Variants in IL11 observed in about 807,000 individuals in gnomAD.
IL11 encodes the protein interleukin-11.
A neutral mutation model predicts 18.1 loss-of-function variants in IL11; 17 were observed. The observed-to-expected ratio is 0.94, with a 90% CI of 0.64 to 1.41. The LOEUF (loss-of-function observed/expected upper bound fraction) is 1.41, where lower values mean the gene tolerates loss of function less well. Ranked by LOEUF, IL11 falls within the 40% of genes most tolerant of loss-of-function variation. IL11 has a pLI of 0.00. For synonymous variants in IL11, 144 were observed against 134.1 expected (o/e 1.07, Z -0.51); for missense variants, 309 against 262.8 (o/e 1.18, Z -1.22).
Position 55,369,360 on chromosome 19 carries a change from C to T in IL11, c.8-419G>A, listed in dbSNP as rs1055669260. On this transcript the variant is annotated intron_variant, in intron 1 of 4. Transcript: ENST00000264563. This position sits in a 1 kb window ranked among gnomAD's most constrained non-coding sequence, Gnocchi z 6.1. ...GGACGCCGGAATCTGGGCCCCGGGG[C>T]GGGGCATGGTGGGGGAGGCACAGGC... 10 of 155,344 alleles carry T rather than the reference C, an allele frequency of 6.4e-5. No homozygotes were observed. Among genetic ancestry groups the T allele is most frequent in the Non-Finnish European group, 2.8e-5 (2 of 70,384 alleles). 9.6% of individuals were successfully genotyped at this position (155,344 alleles called of 1,614,324 possible).
intron 2 of IL11, 61 bp from the exon 3 acceptor site, chr19:55,368,630 C>A: frequency 2.0e-6 from 3 of 1,519,178 alleles, no homozygotes; most frequent in East Asian, 2.4e-5. Flanking sequence ...CTCCATCCCC[C>A]ACGCCAGGCC....
In IL11 at chr19:55,369,873, C is replaced by T. The variant is rs184252613; in HGVS notation, c.7+431G>A. On this transcript the variant is annotated intron_variant, in intron 1 of 4. Coordinates refer to ENST00000264563, the MANE Select transcript of IL11 (RefSeq NM_000641.4). This position sits in a 1 kb window ranked among gnomAD's most constrained non-coding sequence, Gnocchi z 6.1. ...CTCCTCCCCCCGGCTGGGGTCGCTA[C>T]TCCCTGGCTTGCTCCGCTCTCCGCG... Among the ~76,000 whole-genome samples, 21 of 152,020 alleles carry T rather than the reference C, an allele frequency of 1.4e-4. No individual in the cohort carries two copies. In the East Asian group the frequency reaches 4.1e-3, roughly 30 times the overall value.
Position 55,369,834 on chromosome 19 carries a change from C to T in IL11, c.7+470G>A, listed in dbSNP as rs1322074688. 2.0e-5 allele frequency among the ~76,000 whole-genome samples: 3 copies of T among 151,986 alleles called. No individual in the cohort carries two copies. Among genetic ancestry groups the T allele is most frequent in the South Asian group, 2.1e-4 (1 of 4,828 alleles). On this transcript the variant is annotated intron_variant, in intron 1 of 4. Transcript: ENST00000264563. This position sits in a 1 kb window ranked among gnomAD's most constrained non-coding sequence, Gnocchi z 6.1. ...TGCCCGGCTCTCCCCGCTTTCCCCCCGCGCCCAGTCTCTCTCCTCCCCCCG... is the reference window on the plus strand; with the variant it reads ...TGCCCGGCTCTCCCCGCTTTCCCCCTGCGCCCAGTCTCTCTCCTCCCCCCG...
rs1382835830 is a variant in IL11 at position 55,366,250 on chromosome 19, C to T, written c.430-73G>A. On this transcript the variant is annotated intron_variant, in intron 4 of 4. Transcript: ENST00000264563. This position sits in a 1 kb window ranked among gnomAD's most constrained non-coding sequence, Gnocchi z 4.6. ...GGTGCAGGGCAGGGGTGCTGTGGAG[C>T]TGCAGCTGAATCGGGGCTGCATATT... is the stretch of plus-strand genomic sequence containing the variant. 26 of 1,412,376 alleles carry T rather than the reference C, an allele frequency of 1.8e-5. No individual in the cohort carries two copies. The highest frequency in any genetic ancestry group is 2.3e-5 in the Non-Finnish European group (25 of 1,078,860). The allele number at this position is 1,412,376 out of a possible 1,614,324, so 87.5% of individuals were successfully genotyped here. A position where few individuals can be genotyped will look rare whatever the true frequency, so the allele number is the denominator to read the frequency against.
rs2089804967 is a variant in IL11 at position 55,369,073 on chromosome 19, G to A, written c.8-132C>T. The A allele has an allele frequency of 1.3e-6, 1 of 754,496 alleles. No individual in the cohort carries two copies. Among genetic ancestry groups the A allele is most frequent in the Non-Finnish European group, 2.0e-6 (1 of 503,936 alleles). The allele number at this position is 754,496 out of a possible 1,614,324, so 46.7% of individuals were successfully genotyped here. A position where few individuals can be genotyped will look rare whatever the true frequency, so the allele number is the denominator to read the frequency against. ...TCCTCCTGGGTCTGAGGGAGGAGAG[G>A]CTGGGGGCCTGGACTCCTAGGTCTG... On this transcript the variant is annotated intron_variant, in intron 1 of 4. Coordinates refer to ENST00000264563, the MANE Select transcript of IL11 (RefSeq NM_000641.4). The surrounding 1 kb of genome is among the most constrained non-coding windows in gnomAD (Gnocchi z 6.1).
Position 55,366,180 on chromosome 19 carries a change from G to A in IL11, c.430-3C>T, listed in dbSNP as rs1166651596. 1 of 1,483,530 alleles carries A rather than the reference G, an allele frequency of 6.7e-7. No individual in the cohort carries two copies. Among genetic ancestry groups the A allele is most frequent in the Admixed American group, 2.5e-5 (1 of 39,218 alleles). The allele number at this position is 1,483,530 out of a possible 1,614,324, so 91.9% of individuals were successfully genotyped here. On this transcript the variant is annotated splice_region_variant and splice_polypyrimidine_tract_variant and intron_variant, in intron 4 of 4. Transcript: ENST00000264563. The surrounding 1 kb of genome is among the most constrained non-coding windows in gnomAD (Gnocchi z 4.6). ...TGGGGCAGGGCCAGGCGGGACATCT[G>A]TGGGGAGAGGAGAGAGGTGAGTCAC...
intron 4 of IL11, among the ~76,000 whole-genome samples, chr19:55,367,893 G>C (rs932492613): frequency 6.6e-6 from 1 of 152,068 alleles, no homozygotes; most frequent in Non-Finnish European, 1.5e-5. Flanking sequence ...TGAGGTCATG[G>C]ATGATGGAGT....
At position 55,366,004 on chromosome 19, in the gene IL11, G is replaced by T. The variant is rs115572810; in HGVS notation, c.*3C>A. On this transcript the variant is annotated 3_prime_UTR_variant, in exon 5 of 5. Coordinates refer to ENST00000264563, the MANE Select transcript of IL11 (RefSeq NM_000641.4). This position sits in a 1 kb window ranked among gnomAD's most constrained non-coding sequence, Gnocchi z 4.6. Reference sequence around the variant, plus strand: ...AAGGACGGTGGTGGCTTTGGGCCCCGGGTCACAGCCGAGTCTTCAGCAGCA... The same window carrying T: ...AAGGACGGTGGTGGCTTTGGGCCCCTGGTCACAGCCGAGTCTTCAGCAGCA... 1.3e-6 allele frequency: 2 copies of T among 1,597,922 alleles called. No individual in the cohort carries two copies. The highest frequency in any genetic ancestry group is 1.7e-6 in the Non-Finnish European group (2 of 1,173,604).
At position 55,370,414 on chromosome 19, in the gene IL11, G is replaced by C; in HGVS notation, c.-104C>G. The C allele has an allele frequency of 1.0e-6, 1 of 979,720 alleles. No individual in the cohort carries two copies. Among genetic ancestry groups the C allele is most frequent in the Non-Finnish European group, 1.4e-6 (1 of 712,568 alleles). 60.7% of individuals were successfully genotyped at this position (979,720 alleles called of 1,614,324 possible). ...GGGAGCCCCGAGGGTCAGCTGGGCCGCGGCCTGGGGAGGGGAGGCATGTGC... is the reference window on the plus strand; with the variant it reads ...GGGAGCCCCGAGGGTCAGCTGGGCCCCGGCCTGGGGAGGGGAGGCATGTGC... On this transcript the variant is annotated 5_prime_UTR_variant, in exon 1 of 5. Coordinates refer to ENST00000264563, the MANE Select transcript of IL11 (RefSeq NM_000641.4).
chr19:55,368,247 G>T lies in IL11; in HGVS notation c.392C>A (p.Ala131Asp), dbSNP rs1212233380. 6.5e-7 allele frequency: 1 copy of T among 1,546,596 alleles called. No homozygotes were observed. The highest frequency in any genetic ancestry group is 2.0e-5 in the Admixed American group (1 of 51,046). The change falls in exon 4 of 5, where the codon GCC (alanine) becomes GAC (aspartate). Residue 131 changes from alanine (A) to aspartate (D), a missense_variant. Ala to Asp is a moderately radical substitution (Grantham distance 126). Coordinates refer to ENST00000264563, the MANE Select transcript of IL11 (RefSeq NM_000641.4). The part of the protein sequence containing the change: ...TLEPELGTLQ[A>D]RLDRLLRRLQ... Reference sequence around the variant, plus strand: ...CCGGCGCAGCAGCCGGTCCAGTCGGGCCTGCAGGGTGCCCAGCTCGGGCTC... The same window carrying T: ...CCGGCGCAGCAGCCGGTCCAGTCGGTCCTGCAGGGTGCCCAGCTCGGGCTC...
chr19:55,365,854 G>T lies in IL11; in HGVS notation c.*153C>A. ...CCTGAAATAAATAAGTATAAATAAG[G>T]CACAGATGCCCCCCAGGCCTCACGG... is the stretch of plus-strand genomic sequence containing the variant. On this transcript the variant is annotated 3_prime_UTR_variant, in exon 5 of 5. Coordinates refer to ENST00000264563, the MANE Select transcript of IL11 (RefSeq NM_000641.4). The T allele has an allele frequency of 8.2e-7, 1 of 1,221,322 alleles. No homozygotes were observed. Among genetic ancestry groups the T allele is most frequent in the Non-Finnish European group, 1.1e-6 (1 of 882,924 alleles). 75.7% of individuals were successfully genotyped at this position (1,221,322 alleles called of 1,614,324 possible).
Position 55,368,825 on chromosome 19 carries a change from T to C in IL11, c.124A>G (p.Thr42Ala), listed in dbSNP as rs375031113. The C allele has an allele frequency of 1.9e-6, 3 of 1,592,584 alleles. No homozygotes were observed. The highest frequency in any genetic ancestry group is 2.7e-5 in the African/African-American group (2 of 74,786). The change falls in exon 2 of 5, where the codon ACC becomes GCC. Residue 42 changes from threonine to alanine, a missense_variant. By Grantham distance (58) the Thr-to-Ala change is moderately conservative (BLOSUM62 0). Transcript: ENST00000264563. ...SPDPRAELDS[T>A]VLLTRSLLAD... ...AGGAGAGAGCGGGTCAGGAGCACGG[T>C]GCTGTCCAGCTCGGCCCGAGGGTCT...
chr19:55,368,775 T>G lies in IL11; in HGVS notation c.174A>C (p.Ala58=). Residue 58 remains alanine, a synonymous_variant, in exon 2 of 5, where the codon GCA becomes GCC. Coordinates refer to ENST00000264563, the MANE Select transcript of IL11 (RefSeq NM_000641.4). ...SLLADTRQLA[A]QLRDKFPADG... ...CCAGCCCAGTCTCTCCTACCAGCTG[T>G]GCAGCCAGCTGCCGCGTGTCCGCCA... 1.3e-6 allele frequency: 2 copies of G among 1,580,950 alleles called. No homozygotes were observed. Among genetic ancestry groups the G allele is most frequent in the Non-Finnish European group, 1.7e-6 (2 of 1,163,952 alleles).
chr19:55,370,382 C>T lies in IL11; in HGVS notation c.-72G>A. On this transcript the variant is annotated 5_prime_UTR_variant, in exon 1 of 5. Transcript: ENST00000264563. ...GGGGCCTTTAACCCTTCCCTGTCCG[C>T]TGCCGGGGGAGCCCCGAGGGTCAGC... 1 of 1,311,944 alleles carries T rather than the reference C, an allele frequency of 7.6e-7. No homozygotes were observed. The highest frequency in any genetic ancestry group is 9.9e-7 in the Non-Finnish European group (1 of 1,007,522). 81.3% of individuals were successfully genotyped at this position (1,311,944 alleles called of 1,614,324 possible).
At chr19:55,368,590 G>C in intron 2 of IL11, 21 bp from the exon 3 acceptor site, 2 of 1,597,338 alleles carry the variant, frequency 1.3e-6, no homozygotes, top group Non-Finnish European at 1.7e-6. Context: ...AAAAAGCTGT[G>C]AGGTGGCCCC....
chr19:55,366,321 C>T lies in IL11; in HGVS notation c.430-144G>A, dbSNP rs951674652. 9.6e-6 allele frequency: 8 copies of T among 829,730 alleles called. No individual in the cohort carries two copies. The East Asian group carries it at 2.5e-4, about 26-fold the overall frequency. The allele number at this position is 829,730 out of a possible 1,614,324, so 51.4% of individuals were successfully genotyped here. On this transcript the variant is annotated intron_variant, in intron 4 of 4. Coordinates refer to ENST00000264563, the MANE Select transcript of IL11 (RefSeq NM_000641.4). The surrounding 1 kb of genome is among the most constrained non-coding windows in gnomAD (Gnocchi z 4.6). ...TGGGGTGAAGTGTTTAGGCCGGGAGCTCTTCAGGCTGTGGGGTTCCGAAAA... is the reference window on the plus strand; with the variant it reads ...TGGGGTGAAGTGTTTAGGCCGGGAGTTCTTCAGGCTGTGGGGTTCCGAAAA...
Position 55,369,163 on chromosome 19 carries a change from C to A in IL11, c.8-222G>T, listed in dbSNP as rs562150190. ...GAGGAGGGTCTGGGGCCTGGACTCC[C>A]GGCCTTAGGGAGGATGGAGCTGGAG... On this transcript the variant is annotated intron_variant, in intron 1 of 4. Coordinates refer to ENST00000264563, the MANE Select transcript of IL11 (RefSeq NM_000641.4). The surrounding 1 kb of genome is among the most constrained non-coding windows in gnomAD (Gnocchi z 6.1). 1 of 434,296 alleles carries A rather than the reference C, an allele frequency of 2.3e-6. No homozygotes were observed. 26.9% of individuals were successfully genotyped at this position (434,296 alleles called of 1,614,324 possible). A position where few individuals can be genotyped will look rare whatever the true frequency, so the allele number is the denominator to read the frequency against.
chr19:55,368,248 C>G lies in IL11; in HGVS notation c.391G>C (p.Ala131Pro). 3.9e-6 allele frequency: 6 copies of G among 1,546,718 alleles called. No homozygotes were observed. The highest frequency in any genetic ancestry group is 5.2e-6 in the Non-Finnish European group (6 of 1,144,910). The change falls in exon 4 of 5, where the codon GCC becomes CCC. Residue 131 changes from alanine (A) to proline (P), a missense_variant. Transcript: ENST00000264563. Reference sequence around the variant, plus strand: ...CGGCGCAGCAGCCGGTCCAGTCGGGCCTGCAGGGTGCCCAGCTCGGGCTCC... The same window carrying G: ...CGGCGCAGCAGCCGGTCCAGTCGGGGCTGCAGGGTGCCCAGCTCGGGCTCC... ...TLEPELGTLQ[A>P]RLDRLLRRLQ...
At chr19:55,368,714 C>T in intron 2 of IL11, 55 bp downstream of exon 2, 2 of 1,523,600 alleles carry the variant, frequency 1.3e-6, no homozygotes, top group Non-Finnish European at 1.8e-6. Context: ...GCAGACTCCT[C>T]TCCGTTCCTC....
Sources: allele counts gnomAD v4.1 joint callset (sites outside exome capture counted in the v4.1 genomes callset), GRCh38; gene constraint gnomAD v4.1.1; non-coding constraint Gnocchi (gnomAD v3.1); transcripts MANE v1.5; gene names NCBI Gene and HGNC (gene_info 2026-07-23, HGNC 2026-07-21).